Variants in VPS13B observed in about 807,000 individuals in gnomAD.
VPS13B encodes intermembrane lipid transfer protein VPS13B.
VPS13B carries 285 observed loss-of-function variants against 426.4 expected under a neutral mutation model. That is an observed-to-expected ratio of 0.67 (90% CI 0.61 to 0.74). The LOEUF (loss-of-function observed/expected upper bound fraction) is 0.74. Among genes scored for constraint, VPS13B ranks in the 30% least tolerant of loss-of-function variants. The probability of loss-of-function intolerance (pLI) is 0.00; values close to 1 mark genes in which losing one functional copy is unlikely to be tolerated. For missense variants in VPS13B, 4,537 were observed against 4,782.6 expected (o/e 0.95, Z 1.51); for synonymous variants, 1,676 against 1,676.4 (o/e 1.00, Z 0.01).
At chr8:99,195,273 G>C (rs1357586524) in intron 17 of VPS13B, among the ~76,000 whole-genome samples, 1 of 152,068 alleles carries the variant, frequency 6.6e-6, no homozygotes, top group African/African-American at 2.4e-5. Flanking sequence ...CATTTCTCTA[G>C]TAATTAATGA....
chr8:99,191,993 G>C (rs1400070669), intron 16 of VPS13B, among the ~76,000 whole-genome samples: 1 of 152,080 alleles, frequency 6.6e-6, no homozygotes, highest in East Asian at 1.9e-4. Context: ...GTGGGGTTAA[G>C]GAAAGAGCAG....
At chr8:99,254,161 T>G (rs1180613448) in intron 17 of VPS13B, among the ~76,000 whole-genome samples, 1 of 152,180 alleles carries the variant, frequency 6.6e-6, no homozygotes, top group African/African-American at 2.4e-5. Context: ...ATCCCAAAAA[T>G]CCTTATTTTA....
intron 17 of VPS13B, among the ~76,000 whole-genome samples, chr8:99,266,255 C>CAA (rs113518710): frequency 3.5e-5 from 5 of 142,434 alleles, no homozygotes; most frequent in African/African-American, 1.3e-4. Flanking sequence ...CCTGTCTCTA[C>CAA]AAAAAAAAAA....
At chr8:99,238,174 A>T (rs73285941) in intron 17 of VPS13B, among the ~76,000 whole-genome samples, 2,193 of 152,192 alleles carry the variant, frequency 0.014, 49 homozygotes, top group African/African-American at 0.05. Context: ...AAAGTGCCCT[A>T]TACTTCCACT....
At position 99,467,434 on chromosome 8, in the gene VPS13B, A is replaced by G. The variant is rs1819167983; in HGVS notation, c.3466A>G (p.Ile1156Val). The G allele has an allele frequency of 6.2e-7, 1 of 1,613,694 alleles. No individual in the cohort carries two copies. Residue 1156 changes from isoleucine (I) to valine (V), a missense_variant, in exon 24 of 62, where the codon ATC becomes GTC. Physicochemically the swap from Ile to Val is conservative, Grantham distance 29. Around this residue, in one of 2 missense-constraint regions of VPS13B, gnomAD observed 4,311 missense variants for 4,474.3 expected, o/e 0.96. Coordinates refer to ENST00000357162, the MANE Select transcript of VPS13B (RefSeq NM_152564.5). ...LEEGDAFPWT[I>V]SLHNFSIYTL... ...ATCAGGTGATGCTTTTCCTTGGACG[A>G]TCAGCTTGCATAATTTCAGCATATA...
intron 33 of VPS13B, among the ~76,000 whole-genome samples, chr8:99,633,975 TAGAG>T (rs1828967265): frequency 6.6e-6 from 1 of 151,946 alleles, no homozygotes; most frequent in South Asian, 2.1e-4. Flanking sequence ...GTGAGCAACA[TAGAG>T]AAAGAACGGA....
At chr8:99,094,914 A>C (rs1588029002) in intron 3 of VPS13B, among the ~76,000 whole-genome samples, 1 of 152,096 alleles carries the variant, frequency 6.6e-6, no homozygotes, top group Non-Finnish European at 1.5e-5. Flanking sequence ...GGTATCTTTG[A>C]TCTCTCACTC....
At chr8:99,572,594 G>T (rs1279886559) in intron 31 of VPS13B, among the ~76,000 whole-genome samples, 1 of 152,100 alleles carries the variant, frequency 6.6e-6, no homozygotes, top group Non-Finnish European at 1.5e-5. Context: ...GAGAATGATG[G>T]TTTCCAGCTT....
intron 39 of VPS13B, among the ~76,000 whole-genome samples, chr8:99,742,688 T>C (rs1356563013): frequency 6.6e-6 from 1 of 152,152 alleles, no homozygotes; most frequent in Admixed American, 6.6e-5. Flanking sequence ...AATCAATAAA[T>C]GTAATCCAGC....
intron 19 of VPS13B, among the ~76,000 whole-genome samples, chr8:99,297,620 T>G (rs1018588174): frequency 6.6e-6 from 1 of 152,176 alleles, no homozygotes; most frequent in South Asian, 2.1e-4. Flanking sequence ...AAAATTCCCA[T>G]GGAAAGAAAA....
intron 30 of VPS13B, among the ~76,000 whole-genome samples, chr8:99,539,807 T>C (rs1563784594): frequency 6.6e-6 from 1 of 151,496 alleles, no homozygotes; most frequent in East Asian, 1.9e-4. Context: ...TGCCTGCAAA[T>C]AAGTATTGAT....
intron 3 of VPS13B, among the ~76,000 whole-genome samples, chr8:99,073,171 TAGCACAGCA>T: frequency 6.6e-6 from 1 of 152,136 alleles, no homozygotes; most frequent in East Asian, 1.9e-4. Flanking sequence ...CACCTGATGC[TAGCACAGCA>T]CTGGGTCTCA....
At chr8:99,324,843 C>T (rs1273157419) in intron 19 of VPS13B, among the ~76,000 whole-genome samples, 1 of 152,078 alleles carries the variant, frequency 6.6e-6, no homozygotes, top group Non-Finnish European at 1.5e-5. Context: ...TTGTAGATTA[C>T]ATCTAGTTAC....
Position 99,832,380 on chromosome 8 carries a change from T to G in VPS13B, c.9342T>G (p.Val3114=), listed in dbSNP as rs756169422. 1.3e-6 allele frequency: 2 copies of G among 1,536,794 alleles called. No homozygotes were observed. The highest frequency in any genetic ancestry group is 2.4e-5 in the South Asian group (2 of 84,148). ...TTTTTTTTTTTTAGTATTTTCGTGT[T>G]CCAGACAGTGCTACTTTTAGCATTT... The part of the protein sequence containing the change: ...NPHSGKEYFR[V]PDSATFSICP... Residue 3114 remains valine, a synonymous_variant, in exon 52 of 62, where the codon GTT becomes GTG. Transcript: ENST00000357162.
In VPS13B at chr8:99,871,579, G is replaced by T; in HGVS notation, c.11627G>T (p.Ser3876Ile). The part of the protein sequence containing the change: ...TSEVLFVVSV[S>I]EDTQQQAFPV... ...GAAGTGCTCTTCGTGGTGAGTGTCA[G>T]TGAGGACACACAGCAGCAGGCCTTC... is the stretch of plus-strand genomic sequence containing the variant. Residue 3876 changes from serine to isoleucine, a missense_variant, in exon 61 of 62, where the codon AGT becomes ATT. Coordinates refer to ENST00000357162, the MANE Select transcript of VPS13B (RefSeq NM_152564.5). The T allele has an allele frequency of 6.2e-7, 1 of 1,614,228 alleles. No individual in the cohort carries two copies.
chr8:99,019,183 A>C (rs1439832658), intron 2 of VPS13B, among the ~76,000 whole-genome samples: 1 of 151,518 alleles, frequency 6.6e-6, no homozygotes, highest in Non-Finnish European at 1.5e-5. Context: ...TATGTATAAT[A>C]CAACATTTAT....
chr8:99,675,340 A>G (rs1477276798), intron 35 of VPS13B, among the ~76,000 whole-genome samples: 1 of 151,982 alleles, frequency 6.6e-6, no homozygotes, highest in Admixed American at 6.6e-5. Context: ...ATCCTTCTAT[A>G]TTCTTTGCTT....
At chr8:99,286,651 G>A (rs1163236716) in intron 19 of VPS13B, among the ~76,000 whole-genome samples, 1 of 152,150 alleles carries the variant, frequency 6.6e-6, no homozygotes, top group African/African-American at 2.4e-5. Context: ...AAGGTGCAGA[G>A]TAACATAGAG....
intron 17 of VPS13B, among the ~76,000 whole-genome samples, chr8:99,260,606 A>G (rs1817990841): frequency 6.6e-6 from 1 of 152,048 alleles, no homozygotes; most frequent in South Asian, 2.1e-4. Flanking sequence ...TATTTGCAAT[A>G]GGTTAATTGG....
Sources: gnomAD v4.1 joint callset for allele counts (sites outside exome capture counted in the v4.1 genomes callset) on GRCh38, gnomAD v4.1.1 for gene constraint, gnomAD v4.1.1 regional missense constraint, MANE v1.5 for transcripts, NCBI Gene and HGNC (gene_info 2026-07-23, HGNC 2026-07-21) for gene names.